Variants in DYRK2 observed in about 807,000 individuals in gnomAD.
DYRK2 encodes the protein dual specificity tyrosine phosphorylation regulated kinase 2, also known as dual specificity tyrosine-phosphorylation-regulated kinase 2.
A neutral mutation model predicts 41.6 loss-of-function variants in DYRK2; 12 were observed. The observed-to-expected ratio is 0.29, with a 90% CI of 0.18 to 0.47. The LOEUF is 0.47. Ranked by LOEUF, DYRK2 falls within the 20% of genes least tolerant of loss-of-function variation. The probability of loss-of-function intolerance (pLI) is 1.00; values close to 1 mark genes in which losing one functional copy is unlikely to be tolerated. For missense variants in DYRK2, 678 were observed against 798.4 expected (o/e 0.85, Z 1.82); for synonymous variants, 322 against 315.7 (o/e 1.02, Z -0.21).
chr12:67,657,552 C>A lies in DYRK2; in HGVS notation c.645C>A (p.His215Gln), dbSNP rs762739744. Residue 215 changes from histidine (H) to glutamine (Q), a missense_variant, in exon 3 of 3, where the codon CAC becomes CAA. Coordinates refer to ENST00000344096, the MANE Select transcript of DYRK2 (RefSeq NM_006482.3). This position sits in a 1 kb window ranked among gnomAD's most constrained non-coding sequence, Gnocchi z 4.8. ...DDQGSYVQVPHDHVAYRYEVL... is the reference protein window; with the variant it reads ...DDQGSYVQVPQDHVAYRYEVL... ...AGGGATCATATGTGCAGGTGCCCCACGATCACGTGGCTTACAGGTATGAGG... is the reference window on the plus strand; with the variant it reads ...AGGGATCATATGTGCAGGTGCCCCAAGATCACGTGGCTTACAGGTATGAGG... 3 of 1,613,854 alleles carry A rather than the reference C, an allele frequency of 1.9e-6. No individual in the cohort carries two copies. Among genetic ancestry groups the A allele is most frequent in the Non-Finnish European group, 2.5e-6 (3 of 1,179,978 alleles).
rs138815526 is a variant in DYRK2 at position 67,653,125 on chromosome 12, C to T, written c.198+3180C>T. The stretch of plus-strand genomic sequence containing the variant: ...GATTACAGGATTGAGCCCCTGTGCC[C>T]GGCCTCAGTATGTATTTTTAAATGT... On this transcript the variant is annotated intron_variant, in intron 2 of 2. Transcript: ENST00000344096. 7.2e-4 allele frequency among the ~76,000 whole-genome samples: 110 copies of T among 152,244 alleles called. 1 individual carries two copies. The highest frequency in any genetic ancestry group is 2.5e-3 in the African/African-American group (102 of 41,536).
intron 2 of DYRK2, among the ~76,000 whole-genome samples, chr12:67,651,970 A>G (rs969401036): frequency 1.3e-5 from 2 of 152,070 alleles, no homozygotes; most frequent in African/African-American, 4.8e-5. Flanking sequence ...CCATATTCCC[A>G]TATGTCTGTC....
intron 1 of DYRK2, 113 bp from the exon 2 acceptor site, chr12:67,649,684 C>A: frequency 2.6e-6 from 3 of 1,173,660 alleles, no homozygotes; most frequent in Admixed American, 4.1e-5. Flanking sequence ...CCGGTCTCTT[C>A]CTCCGTCTTT....
rs368304778 is a variant in DYRK2, at chr12:67,658,167, C to T, written c.1260C>T (p.Pro420=). Residue 420 remains proline (P), a synonymous_variant, in exon 3 of 3, where the codon CCC becomes CCT. Transcript: ENST00000344096. The surrounding 1 kb of genome is among the most constrained non-coding windows in gnomAD (Gnocchi z 4.3). The stretch of plus-strand genomic sequence containing the variant: ...TAGCAGAGCTCCTGACGGGTTACCC[C>T]CTCTTGCCTGGGGAAGATGAAGGGG... ...CILAELLTGY[P]LLPGEDEGDQ... 6.2e-7 allele frequency: 1 copy of T among 1,614,188 alleles called. No individual in the cohort carries two copies. The highest frequency in any genetic ancestry group is 8.5e-7 in the Non-Finnish European group (1 of 1,180,034).
chr12:67,656,615 G>A (rs760638950), intron 2 of DYRK2, among the ~76,000 whole-genome samples: 1 of 152,196 alleles, frequency 6.6e-6, no homozygotes, highest in Admixed American at 6.5e-5. Context: ...TGGTGATGAA[G>A]TGTTTTCAGG....
chr12:67,658,620 C>T lies in DYRK2; in HGVS notation c.1713C>T (p.Ser571=). 6 of 1,614,170 alleles carry T rather than the reference C, an allele frequency of 3.7e-6. No individual in the cohort carries two copies. The East Asian group carries it at 1.3e-4, about 36-fold the overall frequency. ...TATCCAAGTTACCTCCACCTTCTAG[C>T]TCAGCTTCCAAACTGAGGACTAATT... The part of the protein sequence containing the change: ...TSISKLPPPS[S]SASKLRTNLA... The change falls in exon 3 of 3, where the codon AGC becomes AGT. Residue 571 remains serine, a synonymous_variant. Transcript: ENST00000344096. This position sits in a 1 kb window ranked among gnomAD's most constrained non-coding sequence, Gnocchi z 4.3.
chr12:67,650,084 C>CT, intron 2 of DYRK2, 139 bp downstream of exon 2: 1 of 946,054 alleles, frequency 1.1e-6, no homozygotes, highest in Non-Finnish European at 1.4e-6. Flanking sequence ...CCGATGGTCT[C>CT]TCGTCGACGC....
At chr12:67,651,357 A>G (rs1208270242) in intron 2 of DYRK2, 1 of 299,010 alleles carries the variant, frequency 3.3e-6, no homozygotes, top group East Asian at 9.9e-5. Flanking sequence ...ATCACATGAC[A>G]TGGTGTGAGC....
chr12:67,648,865 G>A lies in DYRK2; in HGVS notation c.-269G>A. On this transcript the variant is annotated 5_prime_UTR_variant, in exon 1 of 3. Transcript: ENST00000344096. Reference sequence around the variant, plus strand: ...CCCGCGGCGCGCAGGGGAGGGCGAGGCATGTGCACGGGCCGGAGGGTGCTG... The same window carrying A: ...CCCGCGGCGCGCAGGGGAGGGCGAGACATGTGCACGGGCCGGAGGGTGCTG... 3.6e-6 allele frequency: 1 copy of A among 275,178 alleles called. No homozygotes were observed. The highest frequency in any genetic ancestry group is 6.7e-6 in the Non-Finnish European group (1 of 148,526). 17.0% of individuals were successfully genotyped at this position (275,178 alleles called of 1,614,324 possible).
chr12:67,649,277 A>G, intron 1 of DYRK2, 95 bp downstream of exon 1: 1 of 1,051,918 alleles, frequency 9.5e-7, no homozygotes, highest in Admixed American at 4.7e-5. Flanking sequence ...GGGACCTCGA[A>G]CAAAGTCGGC....
Position 67,664,646 on chromosome 12 carries a change from A to G in DYRK2, c.*5933A>G, listed in dbSNP as rs546497194. 1.3e-5 allele frequency: 2 copies of G among 152,320 alleles called. No individual in the cohort carries two copies. The highest frequency in any genetic ancestry group is 4.8e-5 in the African/African-American group (2 of 41,580). The allele number at this position is 152,320 out of a possible 1,614,324, so 9.4% of individuals were successfully genotyped here. A position where few individuals can be genotyped will look rare whatever the true frequency, so the allele number is the denominator to read the frequency against. ...GGTCTTGGACAGTAAGGGAAAATCC[A>G]TAATACATAAAACACAAAAGTTTAG... On this transcript the variant is annotated 3_prime_UTR_variant, in exon 3 of 3. Coordinates refer to ENST00000344096, the MANE Select transcript of DYRK2 (RefSeq NM_006482.3).
chr12:67,665,253 A>G lies in DYRK2; in HGVS notation c.*6540A>G, dbSNP rs759349398. 2.0e-5 allele frequency: 3 copies of G among 152,198 alleles called. No individual in the cohort carries two copies. The highest frequency in any genetic ancestry group is 4.4e-5 in the Non-Finnish European group (3 of 68,016). 9.4% of individuals were successfully genotyped at this position (152,198 alleles called of 1,614,324 possible). On this transcript the variant is annotated 3_prime_UTR_variant, in exon 3 of 3. Transcript: ENST00000344096. The stretch of plus-strand genomic sequence containing the variant: ...ATATTAAGGCTATTTCTTCATTTGT[A>G]AAAATGAAGTATGCTATTTGCAAAG...
intron 2 of DYRK2, among the ~76,000 whole-genome samples, chr12:67,654,830 A>G (rs1418360045): frequency 6.6e-6 from 1 of 152,196 alleles, no homozygotes; most frequent in African/African-American, 2.4e-5. Flanking sequence ...CTCAGGAGAT[A>G]GCACCTTGGA....
At position 67,657,710 on chromosome 12, in the gene DYRK2, G is replaced by A. The variant is rs756999508; in HGVS notation, c.803G>A (p.Arg268Gln). 3.3e-5 allele frequency: 54 copies of A among 1,613,980 alleles called. No individual in the cohort carries two copies. Among genetic ancestry groups the A allele is most frequent in the Non-Finnish European group, 4.2e-5 (50 of 1,180,016 alleles). Residue 268 changes from arginine (R) to glutamine (Q), a missense_variant, in exon 3 of 3, where the codon CGA becomes CAA. Coordinates refer to ENST00000344096, the MANE Select transcript of DYRK2 (RefSeq NM_006482.3). This position sits in a 1 kb window ranked among gnomAD's most constrained non-coding sequence, Gnocchi z 4.8. ...RFHRQAAEEI[R>Q]ILEHLRKQDK... is the part of the protein sequence containing the mutation. ...CACCGGCAAGCAGCGGAGGAGATCC[G>A]AATCCTGGAACACCTGCGGAAGCAG...
rs1872582015 is a variant in DYRK2 at position 67,660,067 on chromosome 12, T to C, written c.*1354T>C. The C allele has an allele frequency of 1.2e-5, 2 of 167,092 alleles. No individual in the cohort carries two copies. Among genetic ancestry groups the C allele is most frequent in the South Asian group, 4.1e-4 (2 of 4,830 alleles). The allele number at this position is 167,092 out of a possible 1,614,324, so 10.4% of individuals were successfully genotyped here. On this transcript the variant is annotated 3_prime_UTR_variant, in exon 3 of 3. Transcript: ENST00000344096. ...TATTTTCTTCTCTGAATAATAATTA[T>C]TTTCACAGTGAAAATTTCAGTATTT...
intron 2 of DYRK2, among the ~76,000 whole-genome samples, chr12:67,652,130 A>G (rs1053247889): frequency 3.3e-5 from 5 of 152,192 alleles, no homozygotes; most frequent in Admixed American, 6.5e-5. Flanking sequence ...GTGATATAGT[A>G]GGCAGGTTAA....
rs1487132435 is a variant in DYRK2 at position 67,664,725 on chromosome 12, T to C, written c.*6012T>C. The C allele has an allele frequency of 6.6e-6, 1 of 152,122 alleles. No individual in the cohort carries two copies. The highest frequency in any genetic ancestry group is 1.5e-5 in the Non-Finnish European group (1 of 68,006). 9.4% of individuals were successfully genotyped at this position (152,122 alleles called of 1,614,324 possible). A position where few individuals can be genotyped will look rare whatever the true frequency, so the allele number is the denominator to read the frequency against. On this transcript the variant is annotated 3_prime_UTR_variant, in exon 3 of 3. Transcript: ENST00000344096. Reference sequence around the variant, plus strand: ...GCATTTCTATTATTTAAGTTACATATCAGTTTCCAGGAATATTTTTCAAAT... The same window carrying C: ...GCATTTCTATTATTTAAGTTACATACCAGTTTCCAGGAATATTTTTCAAAT...
rs755807656 is a variant in DYRK2 at position 67,657,133 on chromosome 12, G to C, written c.226G>C (p.Asp76His). 6.3e-7 allele frequency: 1 copy of C among 1,575,564 alleles called. No homozygotes were observed. The highest frequency in any genetic ancestry group is 1.2e-5 in the South Asian group (1 of 84,170). ...TGGCGGCAGTAAGCACACAATGAATGATCACCTGCATGTCGGCAGCCACGC... is the reference window on the plus strand; with the variant it reads ...TGGCGGCAGTAAGCACACAATGAATCATCACCTGCATGTCGGCAGCCACGC... ...TIGGSKHTMNDHLHVGSHAHG... is the reference protein window; with the variant it reads ...TIGGSKHTMNHHLHVGSHAHG... The change falls in exon 3 of 3, where the codon GAT becomes CAT. Residue 76 changes from aspartate (D) to histidine (H), a missense_variant. Physicochemically the swap from Asp to His is moderately conservative, Grantham distance 81 (BLOSUM62 -1). Around this residue, in one of 2 missense-constraint regions of DYRK2, gnomAD observed 285 missense variants for 279.2 expected, o/e 1.02. Transcript: ENST00000344096. This position sits in a 1 kb window ranked among gnomAD's most constrained non-coding sequence, Gnocchi z 4.8.
At position 67,657,120 on chromosome 12, in the gene DYRK2, G is replaced by A; in HGVS notation, c.213G>A (p.Lys71=). ...CTGAATTCCAGATTGGCGGCAGTAAGCACACAATGAATGATCACCTGCATG... is the reference window on the plus strand; with the variant it reads ...CTGAATTCCAGATTGGCGGCAGTAAACACACAATGAATGATCACCTGCATG... ...AAAAHTIGGS[K]HTMNDHLHVG... is the part of the protein sequence containing the mutation. The change falls in exon 3 of 3, where the codon AAG becomes AAA. Residue 71 remains lysine (K), a synonymous_variant. Transcript: ENST00000344096. The surrounding 1 kb of genome is among the most constrained non-coding windows in gnomAD (Gnocchi z 4.8). The A allele has an allele frequency of 3.9e-6, 6 of 1,557,878 alleles. No homozygotes were observed. The highest frequency in any genetic ancestry group is 5.2e-6 in the Non-Finnish European group (6 of 1,152,148).
Sources: allele counts gnomAD v4.1 joint callset (sites outside exome capture counted in the v4.1 genomes callset), GRCh38; gene constraint gnomAD v4.1.1; regional missense constraint gnomAD v4.1.1; non-coding constraint Gnocchi (gnomAD v3.1); transcripts MANE v1.5; gene names NCBI Gene and HGNC (gene_info 2026-07-23, HGNC 2026-07-21).